ARIH1: variants seen among roughly 807,000 people sequenced by gnomAD.
The protein encoded by ARIH1 is ariadne RBR E3 ubiquitin protein ligase 1, also known as E3 ubiquitin-protein ligase ARIH1.
A neutral mutation model predicts 85.0 loss-of-function variants in ARIH1; 8 were observed. The observed-to-expected ratio is 0.09, with a 90% CI of 0.06 to 0.17. The LOEUF (loss-of-function observed/expected upper bound fraction) is 0.17, where lower values mean the gene tolerates loss of function less well. Ranked by LOEUF, ARIH1 falls within the 10% of genes least tolerant of loss-of-function variation. The probability of loss-of-function intolerance (pLI) is 1.00; values close to 1 mark genes in which losing one functional copy is unlikely to be tolerated. For missense variants in ARIH1, 311 were observed against 718.1 expected (o/e 0.43, Z 6.48); for synonymous variants, 238 against 253.6 (o/e 0.94, Z 0.59).
rs1364067381 is a variant in ARIH1, at chr15:72,516,107, G to T, written c.376-1960G>T. Among the ~76,000 whole-genome samples the T allele has an allele frequency of 3.3e-5, 5 of 152,144 alleles. 1 individual carries two copies. Among genetic ancestry groups the T allele is most frequent in the Admixed American group, 3.3e-4 (5 of 15,280 alleles). On this transcript the variant is annotated intron_variant, in intron 1 of 13. Transcript: ENST00000379887. ...TAACAGATTTGGGAACTTGTGGCTA[G>T]AAACAATATTTGGCACTAGCAACAT...
chr15:72,526,560 C>T (rs1323421277), intron 2 of ARIH1, among the ~76,000 whole-genome samples: 8 of 152,006 alleles, frequency 5.3e-5, no homozygotes, highest in Non-Finnish European at 1.5e-5. Context: ...TGAGACTCCG[C>T]CTTTAAAAAG....
At chr15:72,578,233 G>C (rs923253987) in intron 11 of ARIH1, among the ~76,000 whole-genome samples, 1 of 152,118 alleles carries the variant, frequency 6.6e-6, no homozygotes. Flanking sequence ...GAAGTCACGC[G>C]CAACATCTGG....
chr15:72,554,506 T>TC (rs1385778647), intron 3 of ARIH1, among the ~76,000 whole-genome samples: 1 of 151,788 alleles, frequency 6.6e-6, no homozygotes, highest in Admixed American at 6.6e-5. Flanking sequence ...CCACCTCAGC[T>TC]CCCCTGAGTA....
intron 9 of ARIH1, among the ~76,000 whole-genome samples, chr15:72,568,847 C>T (rs147240289): frequency 1.3e-4 from 20 of 152,224 alleles, no homozygotes; most frequent in African/African-American, 4.8e-4. Flanking sequence ...TTTTAAATTG[C>T]TATCATTGAT....
At chr15:72,515,989 G>T (rs2063973289) in intron 1 of ARIH1, among the ~76,000 whole-genome samples, 1 of 152,146 alleles carries the variant, frequency 6.6e-6, no homozygotes, top group Non-Finnish European at 1.5e-5. Context: ...CATTTAGGGA[G>T]CCCTTGCCCT....
Position 72,474,592 on chromosome 15 carries a change from C to A in ARIH1, c.-48C>A, listed in dbSNP as rs112702555. 2 of 1,489,574 alleles carry A rather than the reference C, an allele frequency of 1.3e-6. No homozygotes were observed. Among genetic ancestry groups the A allele is most frequent in the East Asian group, 5.8e-5 (2 of 34,462 alleles). 92.3% of individuals were successfully genotyped at this position (1,489,574 alleles called of 1,614,324 possible). On this transcript the variant is annotated 5_prime_UTR_variant, in exon 1 of 14. Coordinates refer to ENST00000379887, the MANE Select transcript of ARIH1 (RefSeq NM_005744.5). Reference sequence around the variant, plus strand: ...AGAGCCGGGGCCTCGGCGTCCCCGCCCTCTCCCCGCCTCGGCCAGCGTCCG... The same window carrying A: ...AGAGCCGGGGCCTCGGCGTCCCCGCACTCTCCCCGCCTCGGCCAGCGTCCG...
At chr15:72,560,046 T>C (rs1357941601) in intron 5 of ARIH1, among the ~76,000 whole-genome samples, 1 of 152,236 alleles carries the variant, frequency 6.6e-6, no homozygotes, top group Non-Finnish European at 1.5e-5. Context: ...TATGTTTAAC[T>C]TTTTGAGGAA....
intron 5 of ARIH1, among the ~76,000 whole-genome samples, chr15:72,560,893 TG>T (rs1320689843): frequency 6.6e-6 from 1 of 152,140 alleles, no homozygotes; most frequent in African/African-American, 2.4e-5. Context: ...CCTCACTACG[TG>T]GGATCCTGTG....
At chr15:72,477,866 C>A (rs59583123) in intron 1 of ARIH1, among the ~76,000 whole-genome samples, 1 of 152,100 alleles carries the variant, frequency 6.6e-6, no homozygotes, top group East Asian at 1.9e-4. Flanking sequence ...AGTGCAGTCG[C>A]GTGATCTCAG....
At position 72,582,212 on chromosome 15, in the gene ARIH1, T is replaced by C. The variant is rs185149085; in HGVS notation, c.1589+25T>C. 6.6e-7 allele frequency: 1 copy of C among 1,525,934 alleles called. No homozygotes were observed. Among genetic ancestry groups the C allele is most frequent in the African/African-American group, 1.4e-5 (1 of 72,786 alleles). 94.5% of individuals were successfully genotyped at this position (1,525,934 alleles called of 1,614,324 possible). A position where few individuals can be genotyped will look rare whatever the true frequency, so the allele number is the denominator to read the frequency against. ...GGTAATTTTTTTTTAAGCTGTTGAA[T>C]AAAACTTTCTGCCAGTGATGATCCT... On this transcript the variant is annotated intron_variant, in intron 13 of 13. Transcript: ENST00000379887. The surrounding 1 kb of genome is among the most constrained non-coding windows in gnomAD (Gnocchi z 4.6).
rs71137306 is a variant in ARIH1 at position 72,594,811 on chromosome 15, C to CTTTT, written c.*11543_*11546dup. The CTTTT allele has an allele frequency of 6.2e-4, 49 of 79,602 alleles. 3 individuals carry two copies. The highest frequency in any genetic ancestry group is 2.6e-3 in the African/African-American group (43 of 16,404). 4.9% of individuals were successfully genotyped at this position (79,602 alleles called of 1,614,324 possible). A position where few individuals can be genotyped will look rare whatever the true frequency, so the allele number is the denominator to read the frequency against. On this transcript the variant is annotated 3_prime_UTR_variant, in exon 14 of 14. Transcript: ENST00000379887. Reference sequence around the variant, plus strand: ...TTTTTCTGATTTTATGCCTTTTCTTCTTTTTTTTTTTTTTTTTTTTTTTTT... The same window carrying CTTTT: ...TTTTTCTGATTTTATGCCTTTTCTTCTTTTTTTTTTTTTTTTTTTTTTTTTTTTT...
Position 72,474,787 on chromosome 15 carries a change from C to G in ARIH1, c.148C>G (p.Pro50Ala). Residue 50 changes from proline (P) to alanine (A), a missense_variant, in exon 1 of 14, where the codon CCC becomes GCC. Coordinates refer to ENST00000379887, the MANE Select transcript of ARIH1 (RefSeq NM_005744.5). ...TCTGGGCGAGGTGGAGCTGGTGGAG[C>G]CCGGGCTGGGCGTCGGCGGGGAGCG... ...LDLGEVELVE[P>A]GLGVGGERDG... The G allele has an allele frequency of 6.6e-7, 1 of 1,513,326 alleles. No homozygotes were observed. The highest frequency in any genetic ancestry group is 1.3e-5 in the South Asian group (1 of 78,160). The allele number at this position is 1,513,326 out of a possible 1,614,324, so 93.7% of individuals were successfully genotyped here. A position where few individuals can be genotyped will look rare whatever the true frequency, so the allele number is the denominator to read the frequency against.
intron 3 of ARIH1, among the ~76,000 whole-genome samples, chr15:72,553,733 A>G (rs2064162541): frequency 6.6e-6 from 1 of 152,144 alleles, no homozygotes; most frequent in Non-Finnish European, 1.5e-5. Context: ...GCCTGGCAAT[A>G]TGGTGAAACC....
At chr15:72,495,349 A>C (rs1020074751) in intron 1 of ARIH1, among the ~76,000 whole-genome samples, 8 of 152,312 alleles carry the variant, frequency 5.3e-5, no homozygotes, top group African/African-American at 1.9e-4. Context: ...TACTTTTGAG[A>C]GTTAATTTCA....
chr15:72,497,553 C>T lies in ARIH1; in HGVS notation c.376-20514C>T, dbSNP rs575012900. ...AGGCAAGTTTTAAAACTTAATCATA[C>T]GTTGCAAACACTTGAAGATGAAATG... On this transcript the variant is annotated intron_variant, in intron 1 of 13. Coordinates refer to ENST00000379887, the MANE Select transcript of ARIH1 (RefSeq NM_005744.5). Among the ~76,000 whole-genome samples the T allele has an allele frequency of 1.2e-4, 18 of 152,080 alleles. No homozygotes were observed. In the East Asian group the frequency reaches 1.4e-3, roughly 11 times the overall value.
chr15:72,510,514 G>C (rs1023574947), intron 1 of ARIH1, among the ~76,000 whole-genome samples: 8 of 151,710 alleles, frequency 5.3e-5, no homozygotes, highest in Non-Finnish European at 7.4e-5. Context: ...GGAGGCCGAG[G>C]CGGGTGGATC....
intron 1 of ARIH1, among the ~76,000 whole-genome samples, chr15:72,491,728 T>C (rs1315527434): frequency 6.6e-6 from 1 of 152,226 alleles, no homozygotes; most frequent in East Asian, 1.9e-4. Context: ...TACGGAACTT[T>C]AGTTATCACA....
chr15:72,572,342 A>T, intron 11 of ARIH1, 177 bp downstream of exon 11: 2 of 462,358 alleles, frequency 4.3e-6, no homozygotes, highest in Non-Finnish European at 7.6e-6. Context: ...GGTTCAAGTG[A>T]TTCTCCTGCC....
At chr15:72,516,733 G>GT (rs1161079664) in intron 1 of ARIH1, among the ~76,000 whole-genome samples, 1 of 152,164 alleles carries the variant, frequency 6.6e-6, no homozygotes, top group Non-Finnish European at 1.5e-5. Flanking sequence ...GTAACAAATG[G>GT]TACTGTCGAA....
Sources: allele counts gnomAD v4.1 joint callset (sites outside exome capture counted in the v4.1 genomes callset), GRCh38; gene constraint gnomAD v4.1.1; non-coding constraint Gnocchi (gnomAD v3.1); transcripts MANE v1.5; gene names NCBI Gene and HGNC (gene_info 2026-07-23, HGNC 2026-07-21).